Variants in RESF1 observed in about 807,000 individuals in gnomAD.
RESF1 encodes retroelement silencing factor 1.
A neutral mutation model predicts 134.7 loss-of-function variants in RESF1; 65 were observed. The ratio of observed to expected loss-of-function variants is 0.48; its 90% CI spans 0.40 to 0.59. The LOEUF (loss-of-function observed/expected upper bound fraction) is 0.59, where lower values mean the gene tolerates loss of function less well. Among genes scored for constraint, RESF1 ranks in the 20% least tolerant of loss-of-function variants. The pLI is 0.00. For synonymous variants in RESF1, 762 were observed against 702.2 expected, an observed-to-expected ratio of 1.09 and a Z score of -1.35; for missense variants, 2,274 against 2,002.7, an observed-to-expected ratio of 1.14 and a Z score of -2.59.
chr12:31,965,858 T>G (rs1939386771), intron 2 of RESF1, among the ~76,000 whole-genome samples: 1 of 145,382 alleles, frequency 6.9e-6, no homozygotes, highest in African/African-American at 2.6e-5. Context: ...GCCACTGCAC[T>G]CTAGCCTGGT....
intron 2 of RESF1, among the ~76,000 whole-genome samples, chr12:31,967,526 A>G (rs1269867744): frequency 1.3e-5 from 2 of 152,204 alleles, no homozygotes; most frequent in Admixed American, 6.5e-5. Context: ...GGGAAAACAC[A>G]ACATCCAAAA....
chr12:31,985,222 A>C lies in RESF1; in HGVS notation c.4267A>C (p.Lys1423Gln), dbSNP rs149078566. The change falls in exon 4 of 6, where the codon AAG (lysine) becomes CAG (glutamine). Residue 1423 changes from lysine (K) to glutamine (Q), a missense_variant. By Grantham distance (53) the Lys-to-Gln change is moderately conservative. Transcript: ENST00000312561. ...AAACGAAAGAGCCATTGTTAAAGAA[A>C]AGATGGTATCAAATACTAAGTCTGT... ...NPNERAIVKE[K>Q]MVSNTKSVDT... The C allele has an allele frequency of 1.3e-6, 2 of 1,589,108 alleles. No individual in the cohort carries two copies. The highest frequency in any genetic ancestry group is 1.7e-6 in the Non-Finnish European group (2 of 1,173,648).
Position 31,983,584 on chromosome 12 carries a change from CAGG to C in RESF1, c.2632_2634del (p.Glu878del), listed in dbSNP as rs753745210. 3.1e-6 allele frequency: 5 copies of C among 1,613,870 alleles called. No homozygotes were observed. The highest frequency in any genetic ancestry group is 1.3e-5 in the African/African-American group (1 of 74,936). ...TCCTATGAACGATCAGCAAATCTCA[CAGG>C]AGTCAAGGAATAGTACTGTTGTGAG... On this transcript the variant is annotated inframe_deletion, in exon 4 of 6. Coordinates refer to ENST00000312561, the MANE Select transcript of RESF1 (RefSeq NM_018169.4).
intron 1 of RESF1, 144 bp downstream of exon 1, chr12:31,959,635 C>G (rs959577749): frequency 6.6e-6 from 1 of 151,348 alleles, no homozygotes; most frequent in Non-Finnish European, 1.5e-5. Context: ...AAGACGCAGT[C>G]GCGGGCGGCC....
In RESF1 at chr12:31,981,596, C is replaced by T; in HGVS notation, c.641C>T (p.Pro214Leu). The T allele has an allele frequency of 3.1e-6, 5 of 1,614,162 alleles. No homozygotes were observed. The highest frequency in any genetic ancestry group is 1.3e-5 in the African/African-American group (1 of 75,044). ...CTGACTTACCCAGATTACAGACCAC[C>T]TCCAAAGCTATACCGTTACTCACCA... ...KGLTYPDYRP[P>L]PKLYRYSPQS... Residue 214 changes from proline (P) to leucine (L), a missense_variant, in exon 4 of 6, where the codon CCT (proline) becomes CTT (leucine). Physicochemically the swap from Pro to Leu is moderately conservative, Grantham distance 98. Transcript: ENST00000312561.
intron 4 of RESF1, 111 bp from the exon 5 acceptor site, chr12:31,987,126 TTA>T: frequency 3.2e-6 from 2 of 624,612 alleles, no homozygotes; most frequent in South Asian, 3.8e-5. Context: ...TTACATGTGG[TTA>T]TATCTAGGGC....
intron 2 of RESF1, among the ~76,000 whole-genome samples, chr12:31,962,068 T>C (rs1868208): frequency 0.61 from 92,539 of 151,954 alleles, 28,548 homozygotes; most frequent in Middle Eastern, 0.68. Flanking sequence ...AACCCCATCT[T>C]TACTAATAAT....
At chr12:31,992,272 T>C (rs1235885474) in intron 5 of RESF1, 106 bp from the exon 6 acceptor site, 1 of 1,013,344 alleles carries the variant, frequency 9.9e-7, no homozygotes, top group African/African-American at 1.6e-5. Context: ...ACTCCTTGCC[T>C]TAATTTTTTA....
chr12:31,990,644 T>A (rs1269385689), intron 5 of RESF1, among the ~76,000 whole-genome samples: 1 of 152,076 alleles, frequency 6.6e-6, no homozygotes, highest in African/African-American at 2.4e-5. Flanking sequence ...TTTCACCATG[T>A]TGTCCAGGCT....
At position 31,981,005 on chromosome 12, in the gene RESF1, C is replaced by T. The variant is rs781081043; in HGVS notation, c.50C>T (p.Pro17Leu). The T allele has an allele frequency of 6.2e-7, 1 of 1,613,776 alleles. No homozygotes were observed. The highest frequency in any genetic ancestry group is 1.1e-5 in the South Asian group (1 of 90,966). Reference sequence around the variant, plus strand: ...AGTGCTACATTACCACCACTGTATCCTAAAAGCCAGCCACCTTTTTTGCAC... The same window carrying T: ...AGTGCTACATTACCACCACTGTATCTTAAAAGCCAGCCACCTTTTTTGCAC... Reference protein sequence around the residue: ...PKSATLPPLYPKSQPPFLHQS... With the variant: ...PKSATLPPLYLKSQPPFLHQS... The change falls in exon 4 of 6, where the codon CCT becomes CTT. Residue 17 changes from proline to leucine, a missense_variant. Physicochemically the swap from Pro to Leu is moderately conservative, Grantham distance 98 (BLOSUM62 -3). Transcript: ENST00000312561.
chr12:31,990,953 G>C (rs1300230251), intron 5 of RESF1, among the ~76,000 whole-genome samples: 7 of 152,218 alleles, frequency 4.6e-5, no homozygotes, highest in African/African-American at 2.4e-5. Context: ...CCCAGCACTT[G>C]GGAGGTCAAG....
intron 3 of RESF1, among the ~76,000 whole-genome samples, chr12:31,975,452 G>A (rs1009697113): frequency 6.6e-6 from 1 of 152,148 alleles, no homozygotes. Flanking sequence ...GGTCTTACGG[G>A]TTTTGATAAA....
At chr12:31,970,654 A>G (rs1018931122) in intron 3 of RESF1, among the ~76,000 whole-genome samples, 3 of 152,232 alleles carry the variant, frequency 2.0e-5, no homozygotes, top group African/African-American at 7.2e-5. Context: ...TGAGTAAAGA[A>G]TCTTACACAT....
chr12:31,982,135 G>A lies in RESF1; in HGVS notation c.1180G>A (p.Val394Ile). The change falls in exon 4 of 6, where the codon GTA becomes ATA. Residue 394 changes from valine to isoleucine, a missense_variant. By Grantham distance (29) the Val-to-Ile change is conservative (BLOSUM62 3). Transcript: ENST00000312561. ...LDTSVAKEKL[V>I]RDIKTLVEIK... is the part of the protein sequence containing the mutation. ...CACAAGTGTTGCAAAAGAAAAGCTA[G>A]TAAGGGATATTAAAACATTAGTAGA... The A allele has an allele frequency of 1.2e-6, 2 of 1,613,870 alleles. No homozygotes were observed. Among genetic ancestry groups the A allele is most frequent in the Non-Finnish European group, 1.7e-6 (2 of 1,179,918 alleles).
In RESF1 at chr12:31,985,582, AAGC is replaced by A; in HGVS notation, c.4631_4633del (p.Gln1544del). The A allele has an allele frequency of 6.2e-7, 1 of 1,602,404 alleles. No individual in the cohort carries two copies. Among genetic ancestry groups the A allele is most frequent in the East Asian group, 2.2e-5 (1 of 44,832 alleles). Reference sequence around the variant, plus strand: ...GAATGTTAAAGAAAAAGTTGGTGGGAAGCAGCCTGATAAAATATGGATTGATAA... The same window carrying A: ...GAATGTTAAAGAAAAAGTTGGTGGGAAGCCTGATAAAATATGGATTGATAA... On this transcript the variant is annotated inframe_deletion, in exon 4 of 6. Coordinates refer to ENST00000312561, the MANE Select transcript of RESF1 (RefSeq NM_018169.4).
chr12:31,968,008 A>G (rs1170083018), intron 2 of RESF1, among the ~76,000 whole-genome samples: 1 of 152,248 alleles, frequency 6.6e-6, no homozygotes, highest in Non-Finnish European at 1.5e-5. Flanking sequence ...CAGGTTGAAT[A>G]AATTGTGTTA....
At position 31,985,469 on chromosome 12, in the gene RESF1, C is replaced by G. The variant is rs764439248; in HGVS notation, c.4514C>G (p.Ser1505Cys). The change falls in exon 4 of 6, where the codon TCT becomes TGT. Residue 1505 changes from serine (S) to cysteine (C), a missense_variant. Coordinates refer to ENST00000312561, the MANE Select transcript of RESF1 (RefSeq NM_018169.4). ...AAACACAGCAGCGGCGTGCAGACCTCTAAAGAATCATTAAATGGCTTGACA... is the reference window on the plus strand; with the variant it reads ...AAACACAGCAGCGGCGTGCAGACCTGTAAAGAATCATTAAATGGCTTGACA... ...NEKHSSGVQTSKESLNGLTSH... is the reference protein window; with the variant it reads ...NEKHSSGVQTCKESLNGLTSH... 6.2e-7 allele frequency: 1 copy of G among 1,608,060 alleles called. No individual in the cohort carries two copies. Among genetic ancestry groups the G allele is most frequent in the South Asian group, 1.1e-5 (1 of 89,636 alleles).
intron 2 of RESF1, among the ~76,000 whole-genome samples, chr12:31,963,362 C>T (rs150252221): frequency 2.7e-5 from 4 of 150,888 alleles, no homozygotes; most frequent in African/African-American, 9.7e-5. Context: ...AAAAAAAGTT[C>T]ATGGAGCACA....
chr12:31,974,465 C>G (rs1939586206), intron 3 of RESF1, among the ~76,000 whole-genome samples: 1 of 152,054 alleles, frequency 6.6e-6, no homozygotes, highest in East Asian at 1.9e-4. Context: ...GATTTCTGTT[C>G]TCTTGAAGCT....
Sources: allele counts gnomAD v4.1 joint callset (sites outside exome capture counted in the v4.1 genomes callset), GRCh38; gene constraint gnomAD v4.1.1; transcripts MANE v1.5; gene names NCBI Gene and HGNC (gene_info 2026-07-23, HGNC 2026-07-21).